MORN1: variants seen among roughly 807,000 people sequenced by gnomAD.
MORN1 encodes the protein MORN repeat-containing protein 1.
A neutral mutation model predicts 61.9 loss-of-function variants in MORN1; 67 were observed. That is an observed-to-expected ratio of 1.08 (90% CI 0.89 to 1.33). The LOEUF (loss-of-function observed/expected upper bound fraction) is 1.33. Among genes scored for constraint, MORN1 ranks in the 40% most tolerant of loss-of-function variants. The pLI is 0.00. For synonymous variants in MORN1, 301 were observed against 292.0 expected (o/e 1.03, Z -0.31); for missense variants, 752 against 691.2 (o/e 1.09, Z -0.99).
intron 12 of MORN1, among the ~76,000 whole-genome samples, chr1:2,325,110 T>TTCCCTTCCTTCCCTCCCTCCC (rs1553205766): frequency 6.5e-5 from 3 of 45,930 alleles, no homozygotes; most frequent in South Asian, 1.0e-3. Flanking sequence ...TCCCCTTTCC[T>TTCCCTTCCTTCCCTCCCTCCC]TCCCTTCCTT....
At chr1:2,348,605 G>T (rs1338309234) in intron 10 of MORN1, among the ~76,000 whole-genome samples, 3 of 145,412 alleles carry the variant, frequency 2.1e-5, no homozygotes, top group African/African-American at 7.3e-5. Context: ...GCGCACATAC[G>T]TGCACCTAGG....
chr1:2,386,138 G>T, intron 4 of MORN1: 1 of 528,416 alleles, frequency 1.9e-6, no homozygotes, highest in Admixed American at 3.2e-5. Flanking sequence ...TCGGTGAGCT[G>T]ACAGGGCAGC....
chr1:2,357,052 G>A lies in MORN1; in HGVS notation c.1036+380C>T, dbSNP rs112058714. Among the ~76,000 whole-genome samples the A allele has an allele frequency of 2.3e-4, 35 of 152,262 alleles. No homozygotes were observed. The highest frequency in any genetic ancestry group is 4.3e-4 in the Non-Finnish European group (29 of 68,004). ...CGCCGCGGCCCCCAGAGCCATGGCC[G>A]GCGGCTGCTGTGAGGGCTCCCGGGC... On this transcript the variant is annotated intron_variant, in intron 10 of 13. Transcript: ENST00000378531. This position sits in a 1 kb window ranked among gnomAD's most constrained non-coding sequence, Gnocchi z 6.3.
At chr1:2,344,794 G>T (rs1641474972) in intron 10 of MORN1, among the ~76,000 whole-genome samples, 2 of 152,346 alleles carry the variant, frequency 1.3e-5, no homozygotes, top group Admixed American at 1.3e-4. Context: ...GCTGAAGCTG[G>T]CCATGGAGGA....
At chr1:2,354,541 TG>T in intron 10 of MORN1, among the ~76,000 whole-genome samples, 1 of 152,290 alleles carries the variant, frequency 6.6e-6, no homozygotes, top group Admixed American at 6.5e-5. Flanking sequence ...CACTCCAGCC[TG>T]GGTGACAGAA....
Position 2,357,705 on chromosome 1 carries a change from TC to T in MORN1, c.870-108del. Reference sequence around the variant, plus strand: ...GACCCTGGGACTTGCCTACACTGAGTCCAGGGAGCGCTACTCAGCCTCTCTG... The same window carrying T: ...GACCCTGGGACTTGCCTACACTGAGTCAGGGAGCGCTACTCAGCCTCTCTG... On this transcript the variant is annotated intron_variant, in intron 9 of 13. Coordinates refer to ENST00000378531, the MANE Select transcript of MORN1 (RefSeq NM_024848.3). This position sits in a 1 kb window ranked among gnomAD's most constrained non-coding sequence, Gnocchi z 6.3. The T allele has an allele frequency of 7.5e-7, 1 of 1,327,318 alleles. No individual in the cohort carries two copies. 82.2% of individuals were successfully genotyped at this position (1,327,318 alleles called of 1,614,324 possible).
chr1:2,391,412 G>T, intron 1 of MORN1, 46 bp downstream of exon 1: 1 of 1,253,268 alleles, frequency 8.0e-7, no homozygotes, highest in South Asian at 3.6e-5. Context: ...ACCCTGAATG[G>T]AGCCCAGGGC....
chr1:2,335,862 A>G (rs1056199947), intron 12 of MORN1, among the ~76,000 whole-genome samples: 7 of 137,926 alleles, frequency 5.1e-5, no homozygotes, highest in African/African-American at 1.4e-4. Flanking sequence ...GCTGCCCCCA[A>G]TTTGTAGACA....
intron 10 of MORN1, among the ~76,000 whole-genome samples, chr1:2,348,172 C>T (rs1569962281): frequency 6.6e-6 from 1 of 152,224 alleles, no homozygotes; most frequent in African/African-American, 2.4e-5. Context: ...ATGGTCCTGG[C>T]GTCTTCGAAG....
intron 7 of MORN1, among the ~76,000 whole-genome samples, chr1:2,373,384 C>T (rs1642163672): frequency 6.6e-6 from 1 of 152,232 alleles, no homozygotes; most frequent in Non-Finnish European, 1.5e-5. Flanking sequence ...AAAGCCAGAG[C>T]CCACCTTGGC....
intron 10 of MORN1, among the ~76,000 whole-genome samples, chr1:2,355,750 A>G (rs1641750070): frequency 6.6e-6 from 1 of 152,134 alleles, no homozygotes; most frequent in Admixed American, 6.5e-5. Flanking sequence ...TGCCCGGGAG[A>G]AAGGGCCCTG....
intron 12 of MORN1, among the ~76,000 whole-genome samples, chr1:2,327,726 G>A (rs563046960): frequency 2.0e-4 from 30 of 152,358 alleles, no homozygotes; most frequent in Admixed American, 9.8e-4. Flanking sequence ...GGCGCGGCGG[G>A]CAGGCGGCAC....
chr1:2,379,114 G>C (rs145218255), intron 6 of MORN1: 1 of 471,228 alleles, frequency 2.1e-6, no homozygotes, highest in Non-Finnish European at 4.4e-6. Flanking sequence ...CACACCTGCT[G>C]TCGAGAGGGA....
chr1:2,374,733 A>G, intron 6 of MORN1, 176 bp from the exon 7 acceptor site: 2 of 573,858 alleles, frequency 3.5e-6, no homozygotes, highest in South Asian at 4.6e-5. Flanking sequence ...AAACTGTTTC[A>G]TTAGAATGCA....
intron 12 of MORN1, among the ~76,000 whole-genome samples, chr1:2,331,698 C>G (rs927757714): frequency 2.6e-5 from 4 of 152,138 alleles, no homozygotes; most frequent in African/African-American, 9.7e-5. Flanking sequence ...TTTTAGGGAA[C>G]AGTCAAAGAC....
chr1:2,391,313 G>C (rs951929295), intron 1 of MORN1, 145 bp downstream of exon 1: 70 of 956,900 alleles, frequency 7.3e-5, no homozygotes, highest in Non-Finnish European at 9.4e-5. Context: ...GGGAGTGGGG[G>C]ACGCGGGGGC....
In MORN1 at chr1:2,357,413, G is replaced by A. The variant is rs2645087; in HGVS notation, c.1036+19C>T. ...GCCTGGGCCCACCCACCCCCAACTGGTTTGTGAGCTCCACTTACCAAGCAG... is the reference window on the plus strand; with the variant it reads ...GCCTGGGCCCACCCACCCCCAACTGATTTGTGAGCTCCACTTACCAAGCAG... On this transcript the variant is annotated intron_variant, in intron 10 of 13. Coordinates refer to ENST00000378531, the MANE Select transcript of MORN1 (RefSeq NM_024848.3). This position sits in a 1 kb window ranked among gnomAD's most constrained non-coding sequence, Gnocchi z 6.3. 254,506 of 1,570,880 alleles carry A rather than the reference G, an allele frequency of 0.16. 23,808 individuals carry two copies. Among genetic ancestry groups the A allele is most frequent in the Admixed American group, 0.37 (19,388 of 52,880 alleles).
At chr1:2,321,692 G>A (rs776778053) in intron 13 of MORN1, 113 bp from the exon 14 acceptor site, 10 of 1,321,290 alleles carry the variant, frequency 7.6e-6, no homozygotes, top group Non-Finnish European at 8.9e-6. Flanking sequence ...CCCCGACCCT[G>A]GTCATCTCTG....
At position 2,374,318 on chromosome 1, in the gene MORN1, A is replaced by T. The variant is rs2100341672; in HGVS notation, c.634+143T>A. 4.5e-6 allele frequency: 3 copies of T among 660,530 alleles called. No homozygotes were observed. In the South Asian group the frequency reaches 6.1e-5, roughly 13 times the overall value. The allele number at this position is 660,530 out of a possible 1,614,324, so 40.9% of individuals were successfully genotyped here. A position where few individuals can be genotyped will look rare whatever the true frequency, so the allele number is the denominator to read the frequency against. On this transcript the variant is annotated intron_variant, in intron 7 of 13. Transcript: ENST00000378531. ...TCAGATTAGAACATGTTTTTCCTTA[A>T]AAGGGGTGGGGTTTTATATTCCACT...
Sources: allele counts gnomAD v4.1 joint callset (sites outside exome capture counted in the v4.1 genomes callset), GRCh38; gene constraint gnomAD v4.1.1; non-coding constraint Gnocchi (gnomAD v3.1); transcripts MANE v1.5; gene names NCBI Gene and HGNC (gene_info 2026-07-23, HGNC 2026-07-21).